Variants in KDM3B observed in about 807,000 individuals in gnomAD.
The protein encoded by KDM3B is lysine demethylase 3B.
Under a neutral mutation model 170.0 loss-of-function variants are expected in KDM3B, and 10 were observed. The observed-to-expected ratio is 0.06, with a 90% CI of 0.04 to 0.10. The LOEUF is 0.10. KDM3B is among the 10% of genes least tolerant of loss of function. KDM3B has a pLI of 1.00. For synonymous variants in KDM3B, 831 were observed against 834.8 expected, an observed-to-expected ratio of 1.00 and a Z score of 0.08; for missense variants, 1,394 against 2,195.2, an observed-to-expected ratio of 0.64 and a Z score of 7.29.
intron 23 of KDM3B, among the ~76,000 whole-genome samples, chr5:138,433,636 C>T (rs888441426): frequency 1.2e-4 from 19 of 152,028 alleles, no homozygotes; most frequent in Non-Finnish European, 2.5e-4. Context: ...CTCGAACTCC[C>T]GACCTCAGGT....
chr5:138,385,209 CAG>C (rs1328251820), intron 6 of KDM3B, among the ~76,000 whole-genome samples: 1 of 151,914 alleles, frequency 6.6e-6, no homozygotes, highest in African/African-American at 2.4e-5. Context: ...TTAGTAGAGA[CAG>C]GGTTTCACCA....
chr5:138,433,562 C>T (rs1268085085), intron 23 of KDM3B, among the ~76,000 whole-genome samples: 3 of 151,216 alleles, frequency 2.0e-5, no homozygotes, highest in African/African-American at 4.9e-5. Context: ...CATGCACCAC[C>T]ATACCCAGAT....
chr5:138,358,858 G>A (rs1336486742), intron 1 of KDM3B, among the ~76,000 whole-genome samples: 6 of 150,988 alleles, frequency 4.0e-5, no homozygotes, highest in South Asian at 2.1e-4. Flanking sequence ...TTAGTTACAC[G>A]TGTATACATG....
At chr5:138,404,401 C>T (rs963142015) in intron 11 of KDM3B, among the ~76,000 whole-genome samples, 1 of 152,022 alleles carries the variant, frequency 6.6e-6, no homozygotes, top group African/African-American at 2.4e-5. Context: ...CCAAGGTGGG[C>T]GGGATCACCT....
chr5:138,424,290 C>T lies in KDM3B; in HGVS notation c.4188C>T (p.Pro1396=). The change falls in exon 16 of 24, where the codon CCC becomes CCT. Residue 1396 remains proline (P), a synonymous_variant. Coordinates refer to ENST00000314358, the MANE Select transcript of KDM3B (RefSeq NM_016604.4). ...GGAGGCTTCTGTGTCTCCATGACCC[C>T]AGCAACAAAAACAATTGGAAGATCT... is the stretch of plus-strand genomic sequence containing the variant. ...CDGRLLCLHD[P]SNKNNWKIFR... is the part of the protein sequence containing the mutation. 1 of 1,614,074 alleles carries T rather than the reference C, an allele frequency of 6.2e-7. No individual in the cohort carries two copies. The highest frequency in any genetic ancestry group is 2.2e-5 in the East Asian group (1 of 44,888).
chr5:138,378,059 C>G (rs1762040920), intron 4 of KDM3B, among the ~76,000 whole-genome samples: 1 of 152,160 alleles, frequency 6.6e-6, no homozygotes, highest in Non-Finnish European at 1.5e-5. Context: ...CCATCACTCA[C>G]TCGTCTTATG....
intron 3 of KDM3B, among the ~76,000 whole-genome samples, chr5:138,376,839 A>G (rs1320551397): frequency 6.6e-6 from 1 of 152,206 alleles, no homozygotes; most frequent in Non-Finnish European, 1.5e-5. Context: ...ATGAAGTATC[A>G]TAGTTACAAA....
chr5:138,408,090 A>G (rs1222534442), intron 11 of KDM3B, among the ~76,000 whole-genome samples: 4 of 152,220 alleles, frequency 2.6e-5, no homozygotes, highest in Non-Finnish European at 4.4e-5. Flanking sequence ...TTTGTCAACC[A>G]TATGTACAGT....
At chr5:138,357,145 C>T (rs896640365) in intron 1 of KDM3B, among the ~76,000 whole-genome samples, 1 of 152,038 alleles carries the variant, frequency 6.6e-6, no homozygotes, top group Non-Finnish European at 1.5e-5. Flanking sequence ...CGCCACCGGG[C>T]CTGGCTAGTT....
chr5:138,400,494 T>C (rs1009325941), intron 11 of KDM3B, among the ~76,000 whole-genome samples: 2 of 152,158 alleles, frequency 1.3e-5, no homozygotes, highest in African/African-American at 4.8e-5. Flanking sequence ...ATGCCTGTAA[T>C]TCCAGGACTT....
At chr5:138,378,204 A>G (rs1003985986) in intron 4 of KDM3B, among the ~76,000 whole-genome samples, 1 of 152,180 alleles carries the variant, frequency 6.6e-6, no homozygotes, top group Non-Finnish European at 1.5e-5. Context: ...CATAATATAC[A>G]GTTTTATTGT....
intron 19 of KDM3B, 131 bp downstream of exon 19, chr5:138,427,450 A>C: frequency 9.7e-7 from 1 of 1,027,898 alleles, no homozygotes; most frequent in Non-Finnish European, 1.4e-6. Context: ...AATAGTATCC[A>C]AGGTGGTCTT....
intron 10 of KDM3B, among the ~76,000 whole-genome samples, chr5:138,399,450 A>G (rs1372498975): frequency 6.6e-6 from 1 of 151,848 alleles, no homozygotes; most frequent in Non-Finnish European, 1.5e-5. Context: ...AGGCAGGTGA[A>G]TGGTATGAAC....
chr5:138,367,215 C>T (rs1338305883), intron 1 of KDM3B, among the ~76,000 whole-genome samples: 1 of 152,208 alleles, frequency 6.6e-6, no homozygotes, highest in Non-Finnish European at 1.5e-5. Flanking sequence ...CTCTGTTGGG[C>T]TCATCTAGGG....
chr5:138,357,797 G>T (rs1363743112), intron 1 of KDM3B, among the ~76,000 whole-genome samples: 1 of 151,758 alleles, frequency 6.6e-6, no homozygotes. Context: ...TTGGCTCACT[G>T]CAACCTCTGC....
chr5:138,394,236 T>C (rs1439676635), intron 9 of KDM3B, among the ~76,000 whole-genome samples: 1 of 152,078 alleles, frequency 6.6e-6, no homozygotes, highest in Non-Finnish European at 1.5e-5. Context: ...TAGCCGAGTG[T>C]GGTGGCACAC....
rs150533145 is a variant in KDM3B, at chr5:138,378,169, A to G, written c.580+344A>G. Among the ~76,000 whole-genome samples the G allele has an allele frequency of 1.6e-3, 250 of 152,264 alleles. 1 individual carries two copies. The highest frequency in any genetic ancestry group is 5.8e-3 in the African/African-American group (239 of 41,564). On this transcript the variant is annotated intron_variant, in intron 4 of 23. Transcript: ENST00000314358. ...ACAAAAACAGGATCTCATTCAGACC[A>G]ATGTTTCTGGTTCATTCTGCATTTC...
At position 138,420,753 on chromosome 5, in the gene KDM3B, T is replaced by G. The variant is rs773472664; in HGVS notation, c.3763T>G (p.Phe1255Val). The part of the protein sequence containing the change: ...SVLNKESHSP[F>V]GLDSFNSTAK... ...GCTCAATAAAGAGTCTCATTCACCC[T>G]TTGGGCTGGACTCGTTCAACTCCAC... The change falls in exon 15 of 24, where the codon TTT becomes GTT. Residue 1255 changes from phenylalanine to valine, a missense_variant. Coordinates refer to ENST00000314358, the MANE Select transcript of KDM3B (RefSeq NM_016604.4). 2.5e-6 allele frequency: 4 copies of G among 1,614,034 alleles called. No individual in the cohort carries two copies. Among genetic ancestry groups the G allele is most frequent in the Non-Finnish European group, 3.4e-6 (4 of 1,180,028 alleles).
rs1481797177 is a variant in KDM3B at position 138,420,537 on chromosome 5, T to TA, written c.3716-168dup. Among the ~76,000 whole-genome samples the TA allele has an allele frequency of 5.9e-5, 9 of 152,316 alleles. No homozygotes were observed. In the East Asian group the frequency reaches 1.7e-3, roughly 29 times the overall value. ...GTTTCTCCTTGGCTGTGAGACCTCC[T>TA]ATAATTATAGCTTGTAAGGCTTGAC... On this transcript the variant is annotated intron_variant, in intron 14 of 23. Transcript: ENST00000314358.
Sources: allele counts gnomAD v4.1 joint callset (sites outside exome capture counted in the v4.1 genomes callset), GRCh38; gene constraint gnomAD v4.1.1; transcripts MANE v1.5; gene names NCBI Gene and HGNC (gene_info 2026-07-23, HGNC 2026-07-21).